TG: variants seen among roughly 807,000 people sequenced by gnomAD.
The protein encoded by TG is thyroid hormones.
A neutral mutation model predicts 324.7 loss-of-function variants in TG; 270 were observed. That is an observed-to-expected ratio of 0.83 (90% CI 0.75 to 0.92). The LOEUF (loss-of-function observed/expected upper bound fraction) is 0.92. TG is among the 40% of genes least tolerant of loss of function. The pLI, the probability that TG is intolerant of heterozygous loss-of-function variation, is 0.00. For synonymous variants in TG, 1,401 were observed against 1,327.0 expected (o/e 1.06, Z -1.21); for missense variants, 3,591 against 3,456.4 (o/e 1.04, Z -0.98).
chr8:132,952,336 C>T (rs375317077), intron 27 of TG, among the ~76,000 whole-genome samples: 5 of 152,178 alleles, frequency 3.3e-5, no homozygotes, highest in Non-Finnish European at 5.9e-5. Context: ...CCTGGCTTTT[C>T]CCCTAGCTCT....
chr8:133,047,170 A>G (rs1270972578), intron 41 of TG: 1 of 152,160 alleles, frequency 6.6e-6, no homozygotes, highest in Non-Finnish European at 1.5e-5. Flanking sequence ...GGAACTTGGG[A>G]CCCTTGCTTT....
chr8:132,963,106 G>A, intron 29 of TG, 32 bp downstream of exon 29: 1 of 1,602,594 alleles, frequency 6.2e-7, no homozygotes, highest in Admixed American at 1.7e-5. Flanking sequence ...TACACACTTG[G>A]GTGTCTGAAT....
chr8:133,090,289 G>T (rs1200368951), intron 41 of TG, among the ~76,000 whole-genome samples: 1 of 152,260 alleles, frequency 6.6e-6, no homozygotes, highest in East Asian at 1.9e-4. Context: ...CCCAGGAGAA[G>T]CAGAGAGAAG....
rs745676800 is a variant in TG at position 133,030,073 on chromosome 8, G to C, written c.7239+50G>C. ...AGTCTTACTGCAGATGCGGCTGGGG[G>C]AGGTGGTTCTCCTGTGCTGCAAAAG... On this transcript the variant is annotated intron_variant, in intron 41 of 47. Transcript: ENST00000220616. The C allele has an allele frequency of 1.4e-5, 23 of 1,610,348 alleles. No homozygotes were observed. In the South Asian group the frequency reaches 2.4e-4, roughly 17 times the overall value.
At position 132,908,288 on chromosome 8, in the gene TG, T is replaced by C. The variant is rs753921202; in HGVS notation, c.3950T>C (p.Phe1317Ser). Residue 1317 changes from phenylalanine (F) to serine (S), a missense_variant, in exon 18 of 48, where the codon TTC becomes TCC. Coordinates refer to ENST00000220616, the MANE Select transcript of TG (RefSeq NM_003235.5). ...SADYADLLQT[F>S]QVFILDELTA... ...GACTACGCGGATTTGCTGCAGACTT[T>C]CCAGGTTTTCATATTGGATGAGCTG... is the stretch of plus-strand genomic sequence containing the variant. The C allele has an allele frequency of 2.5e-6, 4 of 1,613,612 alleles. No homozygotes were observed. The highest frequency in any genetic ancestry group is 2.2e-5 in the South Asian group (2 of 91,040).
chr8:132,969,207 T>C (rs1289503290), intron 31 of TG, among the ~76,000 whole-genome samples: 1 of 152,158 alleles, frequency 6.6e-6, no homozygotes, highest in Non-Finnish European at 1.5e-5. Flanking sequence ...TTAGGCCTAT[T>C]TTTATTTCTC....
At chr8:133,084,134 G>A (rs534104558) in intron 41 of TG, among the ~76,000 whole-genome samples, 70 of 152,256 alleles carry the variant, frequency 4.6e-4, no homozygotes, top group African/African-American at 1.6e-3. Context: ...CTGGCCCATG[G>A]CATTTACTGG....
intron 27 of TG, among the ~76,000 whole-genome samples, chr8:132,951,230 G>C (rs180998113): frequency 6.6e-6 from 1 of 152,160 alleles, no homozygotes; most frequent in South Asian, 2.1e-4. Flanking sequence ...CCACCATTGA[G>C]CTATGCTTTA....
At chr8:132,893,205 G>A (rs1384543650) in intron 10 of TG, among the ~76,000 whole-genome samples, 1 of 125,626 alleles carries the variant, frequency 8.0e-6, no homozygotes, top group Non-Finnish European at 1.7e-5. Flanking sequence ...TGTGTGGTGT[G>A]TATGTGTGTG....
intron 16 of TG, 21 bp from the exon 17 acceptor site, chr8:132,906,667 G>A: frequency 6.2e-7 from 1 of 1,613,300 alleles, no homozygotes. Context: ...GCCCACCACG[G>A]CTCCACTTTC....
intron 40 of TG, among the ~76,000 whole-genome samples, chr8:133,028,724 G>A (rs1836340583): frequency 1.3e-5 from 2 of 152,194 alleles, no homozygotes; most frequent in Admixed American, 6.5e-5. Context: ...ACTGCAGCCG[G>A]CTGGTCTGCC....
intron 36 of TG, among the ~76,000 whole-genome samples, 197 bp from the exon 37 acceptor site, chr8:133,013,403 A>G (rs888543545): frequency 6.6e-6 from 1 of 151,910 alleles, no homozygotes; most frequent in African/African-American, 2.4e-5. Context: ...GGGTAGATGG[A>G]TGGAAGAGTA....
chr8:132,996,121 C>T (rs907407528), intron 35 of TG, among the ~76,000 whole-genome samples: 4 of 152,132 alleles, frequency 2.6e-5, no homozygotes, highest in Admixed American at 2.0e-4. Context: ...GTGATCTTGG[C>T]CATATTATGT....
At chr8:133,038,994 T>C (rs529825425) in intron 41 of TG, among the ~76,000 whole-genome samples, 1 of 152,212 alleles carries the variant, frequency 6.6e-6, no homozygotes, top group East Asian at 1.9e-4. Context: ...TCTCCCTCCT[T>C]AGCCTCCTGA....
At chr8:133,132,420 T>A (rs1022653295) in intron 46 of TG, among the ~76,000 whole-genome samples, 4 of 152,116 alleles carry the variant, frequency 2.6e-5, no homozygotes, top group Non-Finnish European at 5.9e-5. Context: ...GTGCCTTGGG[T>A]TTTCAGCTTA....
rs546423640 is a variant in TG at position 132,906,889 on chromosome 8, G to A, written c.3836G>A (p.Arg1279Gln). The part of the protein sequence containing the change: ...GRWESQLPQP[R>Q]ACQRPQLWQT... Reference sequence around the variant, plus strand: ...TGGGAGTCACAGCTGCCTCAGCCCCGGGCCTGCCAACGTGAGTGGCATCAG... The same window carrying A: ...TGGGAGTCACAGCTGCCTCAGCCCCAGGCCTGCCAACGTGAGTGGCATCAG... The change falls in exon 17 of 48, where the codon CGG becomes CAG. Residue 1279 changes from arginine (R) to glutamine (Q), a missense_variant. Physicochemically the swap from Arg to Gln is conservative, Grantham distance 43 (BLOSUM62 1). Transcript: ENST00000220616. 4.5e-5 allele frequency: 72 copies of A among 1,612,004 alleles called. No individual in the cohort carries two copies. Among genetic ancestry groups the A allele is most frequent in the South Asian group, 2.9e-4 (26 of 90,676 alleles).
chr8:132,935,119 G>T (rs1377785501), intron 24 of TG, among the ~76,000 whole-genome samples: 2 of 148,334 alleles, frequency 1.3e-5, no homozygotes, highest in African/African-American at 2.5e-5. Flanking sequence ...GCCCTCTCTT[G>T]TTTCCATCTG....
rs762173953 is a variant in TG, at chr8:132,866,978, T to C, written c.-23T>C. On this transcript the variant is annotated 5_prime_UTR_variant, in exon 1 of 48. Coordinates refer to ENST00000220616, the MANE Select transcript of TG (RefSeq NM_003235.5). ...AGGGCAAGCAGTGGTTTCTCCTCCT[T>C]CCTCCCAGGAAGGGCCAGGAAAATG... The C allele has an allele frequency of 6.4e-7, 1 of 1,574,386 alleles. No individual in the cohort carries two copies. Among genetic ancestry groups the C allele is most frequent in the East Asian group, 2.3e-5 (1 of 42,954 alleles).
At chr8:132,874,360 A>T (rs1839769039) in intron 5 of TG, among the ~76,000 whole-genome samples, 1 of 152,240 alleles carries the variant, frequency 6.6e-6, no homozygotes, top group African/African-American at 2.4e-5. Flanking sequence ...GAGAGGCATT[A>T]TAGATCTTGA....
Sources: allele counts gnomAD v4.1 joint callset (sites outside exome capture counted in the v4.1 genomes callset), GRCh38; gene constraint gnomAD v4.1.1; transcripts MANE v1.5; gene names NCBI Gene and HGNC (gene_info 2026-07-23, HGNC 2026-07-21).